HOXC4: variants seen among roughly 807,000 people sequenced by gnomAD.
The protein encoded by HOXC4 is homeobox protein Hox-C4.
Under a neutral mutation model 25.5 loss-of-function variants are expected in HOXC4, and 15 were observed. The observed-to-expected ratio is 0.59, with a 90% CI of 0.39 to 0.91. The LOEUF is 0.91. Ranked by LOEUF, HOXC4 falls within the 40% of genes least tolerant of loss-of-function variation. The probability of loss-of-function intolerance (pLI) is 0.00; values close to 1 mark genes in which losing one functional copy is unlikely to be tolerated. For missense variants in HOXC4, 342 were observed against 352.4 expected (o/e 0.97, Z 0.24); for synonymous variants, 165 against 148.0 (o/e 1.11, Z -0.83).
At chr12:54,030,009 C>T in intron 1 of HOXC4, 1 of 1,433,264 alleles carries the variant, frequency 7.0e-7, no homozygotes, top group Non-Finnish European at 9.3e-7. Context: ...CCTCGCTCCC[C>T]ACCAACTCTC....
intron 1 of HOXC4, among the ~76,000 whole-genome samples, chr12:54,042,431 G>A (rs938679377): frequency 5.9e-5 from 9 of 152,178 alleles, no homozygotes; most frequent in African/African-American, 2.2e-4. Flanking sequence ...ACAAAGACAG[G>A]GGGAGATTGG....
chr12:54,037,471 G>C (rs927982349), intron 1 of HOXC4, among the ~76,000 whole-genome samples: 1 of 152,224 alleles, frequency 6.6e-6, no homozygotes, highest in Non-Finnish European at 1.5e-5. Context: ...CTTCCCGGGG[G>C]AGTGGGAAGA....
At chr12:54,050,473 A>C (rs565071608), upstream of HOXC4, among the ~76,000 whole-genome samples, 1 of 152,330 alleles carries the variant, frequency 6.6e-6, no homozygotes, top group South Asian at 2.1e-4. Context: ...GCAAGGCGGG[A>C]GGCAGGAGGG....
chr12:54,024,271 C>T (rs942110091), intron 1 of HOXC4, among the ~76,000 whole-genome samples: 1 of 152,118 alleles, frequency 6.6e-6, no homozygotes, highest in Non-Finnish European at 1.5e-5. Flanking sequence ...CAGCTGCGGT[C>T]GCGTCCAGGC....
chr12:54,046,835 C>A (rs921815838), intron 1 of HOXC4, among the ~76,000 whole-genome samples: 1 of 152,162 alleles, frequency 6.6e-6, no homozygotes, highest in Admixed American at 6.5e-5. Flanking sequence ...CACCTTCAAT[C>A]CCTTGGGTGG....
rs988499444 is a variant in HOXC4, at chr12:54,055,285, A to T, written c.*80A>T. 6.8e-4 allele frequency: 154 copies of T among 228,086 alleles called. No individual in the cohort carries two copies. Among genetic ancestry groups the T allele is most frequent in the Non-Finnish European group, 9.7e-4 (128 of 131,496 alleles). The allele number at this position is 228,086 out of a possible 1,614,324, so 14.1% of individuals were successfully genotyped here. A position where few individuals can be genotyped will look rare whatever the true frequency, so the allele number is the denominator to read the frequency against. ...AAATTGACTCTTATTTATAGAATTTAATATATATATATATATATATATATA... is the reference window on the plus strand; with the variant it reads ...AAATTGACTCTTATTTATAGAATTTTATATATATATATATATATATATATA... On this transcript the variant is annotated 3_prime_UTR_variant, in exon 2 of 2. Coordinates refer to ENST00000430889, the MANE Select transcript of HOXC4 (RefSeq NM_153633.3).
intron 1 of HOXC4, among the ~76,000 whole-genome samples, chr12:54,024,670 A>G (rs1157541771): frequency 6.9e-6 from 1 of 145,546 alleles, no homozygotes; most frequent in Non-Finnish European, 1.5e-5. Context: ...AGTCCCACCC[A>G]CCCTTTCCCC....
At chr12:54,051,896 A>G (rs1234188906), upstream of HOXC4, among the ~76,000 whole-genome samples, 1 of 152,118 alleles carries the variant, frequency 6.6e-6, no homozygotes, top group Non-Finnish European at 1.5e-5. Context: ...ACCCTCTCCA[A>G]CATCCCAAAG....
At chr12:54,028,501 C>A in intron 1 of HOXC4, 4 of 1,607,694 alleles carry the variant, frequency 2.5e-6, no homozygotes, top group South Asian at 1.1e-5. Context: ...AATCATAGAC[C>A]GACCAGGTAA....
At chr12:54,038,519 C>T (rs1278328475) in intron 1 of HOXC4, among the ~76,000 whole-genome samples, 2 of 152,172 alleles carry the variant, frequency 1.3e-5, no homozygotes, top group Non-Finnish European at 2.9e-5. Context: ...GCTACTGCTG[C>T]CTGAACTGGC....
At chr12:54,028,566 C>T (rs757138274) in intron 1 of HOXC4, 5 of 1,613,972 alleles carry the variant, frequency 3.1e-6, no homozygotes, top group Non-Finnish European at 1.7e-6. Context: ...GCCACCTCGC[C>T]GGGGGCCAGG....
At chr12:54,041,722 G>C (rs182035958) in intron 1 of HOXC4, among the ~76,000 whole-genome samples, 1 of 152,218 alleles carries the variant, frequency 6.6e-6, no homozygotes, top group Non-Finnish European at 1.5e-5. Context: ...TGTCGCCCCG[G>C]CTGGAGTGCA....
At chr12:54,051,495 C>T (rs1359772348), upstream of HOXC4, among the ~76,000 whole-genome samples, 1 of 152,202 alleles carries the variant, frequency 6.6e-6, no homozygotes, top group Non-Finnish European at 1.5e-5. Context: ...CACTCACAGT[C>T]TCAACTTCCT....
chr12:54,054,445 T>G, intron 1 of HOXC4, 84 bp downstream of exon 1: 6 of 756,246 alleles, frequency 7.9e-6, no homozygotes, highest in Non-Finnish European at 1.2e-5. Flanking sequence ...CTGGCCCCCG[T>G]CCTCCTTTCT....
chr12:54,037,872 T>C (rs1036619864), intron 1 of HOXC4: 1 of 152,172 alleles, frequency 6.6e-6, no homozygotes, highest in Admixed American at 6.5e-5. Flanking sequence ...ATTTACATCA[T>C]ATATAATCTT....
Position 54,017,667 on chromosome 12 carries a change from A to T in HOXC4, c.-124+253A>T, listed in dbSNP as rs1485316342. Among the ~76,000 whole-genome samples, 138 of 151,872 alleles carry T rather than the reference A, an allele frequency of 9.1e-4. 2 individuals are homozygous for T. Among genetic ancestry groups the T allele is most frequent in the Non-Finnish European group, 8.8e-5 (6 of 67,926 alleles). ...AAGTTGGGGGTGGGGAGGCAAGGGA[A>T]CAGCACCTGTGGGGCTCAAGCCGGC... On this transcript the variant is annotated intron_variant, in intron 1 of 3. Transcript: ENST00000303406.
chr12:54,054,505 C>T, intron 1 of HOXC4, 144 bp downstream of exon 1: 1 of 635,204 alleles, frequency 1.6e-6, no homozygotes, highest in Non-Finnish European at 2.7e-6. Context: ...CACAATTGAA[C>T]TGGATTTACG....
chr12:54,039,135 T>C (rs1050255526), intron 1 of HOXC4, among the ~76,000 whole-genome samples: 1 of 151,940 alleles, frequency 6.6e-6, no homozygotes, highest in African/African-American at 2.4e-5. Context: ...AGCGGACCCA[T>C]AGGTGCAACT....
chr12:54,052,781 C>G (rs928183313), upstream of HOXC4, among the ~76,000 whole-genome samples: 5 of 152,100 alleles, frequency 3.3e-5, no homozygotes, highest in Admixed American at 1.3e-4. Flanking sequence ...TGGAGCTGGC[C>G]TTTAGGAATT....
Sources: allele counts gnomAD v4.1 joint callset (sites outside exome capture counted in the v4.1 genomes callset), GRCh38; gene constraint gnomAD v4.1.1; transcripts MANE v1.5; gene names NCBI Gene and HGNC (gene_info 2026-07-23, HGNC 2026-07-21).